The following EEPD1 variants were observed in gnomAD, a reference collection of about 807,000 sequenced individuals.
EEPD1 encodes the protein endonuclease/exonuclease/phosphatase family domain-containing protein 1.
EEPD1 carries 17 observed loss-of-function variants against 46.3 expected under a neutral mutation model. The observed-to-expected ratio is 0.37, with a 90% CI of 0.25 to 0.55. The LOEUF (loss-of-function observed/expected upper bound fraction) is 0.55. Ranked by LOEUF, EEPD1 falls within the 20% of genes least tolerant of loss-of-function variation. The pLI, the probability that EEPD1 is intolerant of heterozygous loss-of-function variation, is 0.83. For synonymous variants in EEPD1, 313 were observed against 315.6 expected (o/e 0.99, Z 0.09); for missense variants, 673 against 745.6 (o/e 0.90, Z 1.13).
intron 2 of EEPD1, among the ~76,000 whole-genome samples, chr7:36,204,461 T>C (rs898758687): frequency 2.6e-5 from 4 of 152,196 alleles, no homozygotes; most frequent in African/African-American, 9.6e-5. Context: ...TGTGTAGGAC[T>C]TGCTGTGAGC....
At chr7:36,257,582 T>C (rs1184369392) in intron 3 of EEPD1, among the ~76,000 whole-genome samples, 2 of 152,230 alleles carry the variant, frequency 1.3e-5, no homozygotes, top group African/African-American at 2.4e-5. Flanking sequence ...TGGTCTTTGA[T>C]CTCTGATATC....
chr7:36,180,573 A>G (rs1463729204), intron 2 of EEPD1, among the ~76,000 whole-genome samples: 1 of 152,156 alleles, frequency 6.6e-6, no homozygotes, highest in Non-Finnish European at 1.5e-5. Flanking sequence ...TGCTTGGAAC[A>G]CATTCGTGAT....
chr7:36,197,308 C>T (rs1394880877), intron 2 of EEPD1, among the ~76,000 whole-genome samples: 5 of 149,304 alleles, frequency 3.3e-5, no homozygotes, highest in East Asian at 2.0e-4. Flanking sequence ...CAGCCCCCCG[C>T]CCGGCCAGCC....
chr7:36,268,158 G>T (rs1787052524), intron 3 of EEPD1, among the ~76,000 whole-genome samples: 1 of 152,066 alleles, frequency 6.6e-6, no homozygotes, highest in Non-Finnish European at 1.5e-5. Flanking sequence ...GTGTTTTGTT[G>T]TTGTTGTTTT....
chr7:36,156,139 C>G (rs941324805), intron 2 of EEPD1, among the ~76,000 whole-genome samples: 9 of 152,154 alleles, frequency 5.9e-5, no homozygotes, highest in African/African-American at 2.2e-4. Context: ...TGTGGCTACT[C>G]GTTGATTTCC....
chr7:36,219,796 AGAGAGAGAGAGTGTGT>A (rs1220873214), intron 2 of EEPD1, among the ~76,000 whole-genome samples: 13 of 80,234 alleles, frequency 1.6e-4, no homozygotes, highest in African/African-American at 4.6e-4. Flanking sequence ...AGAGAGAGAG[AGAGAGAGAGAGTGTGT>A]GTGTGTGTGT....
chr7:36,294,970 G>C (rs1198801730), intron 6 of EEPD1, among the ~76,000 whole-genome samples: 1 of 152,018 alleles, frequency 6.6e-6, no homozygotes, highest in Non-Finnish European at 1.5e-5. Context: ...TTGAGGTCAG[G>C]AGTTCAAGAC....
intron 4 of EEPD1, 131 bp from the exon 5 acceptor site, chr7:36,284,555 G>T (rs1410767140): frequency 8.7e-7 from 1 of 1,154,594 alleles, no homozygotes; most frequent in Non-Finnish European, 1.2e-6. Context: ...TTCGTGGTGT[G>T]CTTTTGGTTT....
At chr7:36,273,241 G>T (rs946540587) in intron 3 of EEPD1, among the ~76,000 whole-genome samples, 3 of 152,148 alleles carry the variant, frequency 2.0e-5, no homozygotes, top group Admixed American at 1.3e-4. Flanking sequence ...TGGTTTCGTC[G>T]TGTGTCGAAT....
chr7:36,251,456 A>G (rs1272931322), intron 3 of EEPD1, among the ~76,000 whole-genome samples: 2 of 152,130 alleles, frequency 1.3e-5, no homozygotes, highest in Non-Finnish European at 2.9e-5. Context: ...GATTACAGGC[A>G]TGCACCATCT....
chr7:36,260,372 C>G (rs1030407943), intron 3 of EEPD1, among the ~76,000 whole-genome samples: 1 of 152,234 alleles, frequency 6.6e-6, no homozygotes, highest in African/African-American at 2.4e-5. Flanking sequence ...TACCACTTCA[C>G]TGTCTCTGAT....
At chr7:36,243,453 CTTAG>C (rs1444406765) in intron 3 of EEPD1, among the ~76,000 whole-genome samples, 3 of 152,146 alleles carry the variant, frequency 2.0e-5, no homozygotes, top group African/African-American at 4.8e-5. Context: ...CAAAAAAGGG[CTTAG>C]TTAGACACAC....
At chr7:36,211,013 A>G (rs576644106) in intron 2 of EEPD1, among the ~76,000 whole-genome samples, 3 of 152,342 alleles carry the variant, frequency 2.0e-5, no homozygotes, top group African/African-American at 7.2e-5. Context: ...TGTAATGGGA[A>G]TAACAGTGTC....
rs138447263 is a variant in EEPD1 at position 36,281,554 on chromosome 7, C to T, written c.1041+329C>T. ...TCTTCTGCCAAGTTTGTGCAGAGCT[C>T]ATTACTCGTTGACTGAAAATTTCAG... On this transcript the variant is annotated intron_variant, in intron 4 of 7. Coordinates refer to ENST00000242108, the MANE Select transcript of EEPD1 (RefSeq NM_030636.3). 5.0e-3 allele frequency among the ~76,000 whole-genome samples: 767 copies of T among 152,304 alleles called. 8 individuals carry two copies. Among genetic ancestry groups the T allele is most frequent in the African/African-American group, 0.018 (742 of 41,554 alleles).
intron 2 of EEPD1, among the ~76,000 whole-genome samples, chr7:36,209,534 C>G (rs950666972): frequency 2.0e-5 from 3 of 152,104 alleles, no homozygotes; most frequent in Non-Finnish European, 4.4e-5. Context: ...TGGTTTTTGC[C>G]AGTCAACTTA....
chr7:36,154,706 G>A lies in EEPD1; in HGVS notation c.382G>A (p.Ala128Thr), dbSNP rs759484849. The A allele has an allele frequency of 1.9e-6, 3 of 1,613,872 alleles. No individual in the cohort carries two copies. The South Asian group carries it at 3.3e-5, about 18-fold the overall frequency. ...LLAEQQPHHL[A>T]TAVPLTPRVN... ...AGCGGAGCAGCAGCCTCACCACCTG[G>A]CCACAGCTGTGCCCCTCACCCCACG... is the stretch of plus-strand genomic sequence containing the variant. The change falls in exon 2 of 8, where the codon GCC becomes ACC. Residue 128 changes from alanine to threonine, a missense_variant. Ala to Thr is a moderately conservative substitution (Grantham distance 58). Transcript: ENST00000242108. This position sits in a 1 kb window ranked among gnomAD's most constrained non-coding sequence, Gnocchi z 4.2.
intron 2 of EEPD1, among the ~76,000 whole-genome samples, chr7:36,170,962 C>T (rs781590908): frequency 6.6e-6 from 1 of 152,182 alleles, no homozygotes; most frequent in Non-Finnish European, 1.5e-5. Context: ...CTCTGTCACC[C>T]AGGCTGTGGA....
At chr7:36,260,385 CTT>C (rs1786902550) in intron 3 of EEPD1, among the ~76,000 whole-genome samples, 2 of 152,192 alleles carry the variant, frequency 1.3e-5, no homozygotes, top group Non-Finnish European at 2.9e-5. Context: ...TCTCTGATCT[CTT>C]TTGTTTCTGA....
At chr7:36,282,457 C>T (rs1562711889) in intron 4 of EEPD1, among the ~76,000 whole-genome samples, 1 of 152,220 alleles carries the variant, frequency 6.6e-6, no homozygotes, top group Non-Finnish European at 1.5e-5. Flanking sequence ...GACCTGGCCC[C>T]TCCCGCAGGG....
Sources: allele counts gnomAD v4.1 joint callset (sites outside exome capture counted in the v4.1 genomes callset), GRCh38; gene constraint gnomAD v4.1.1; non-coding constraint Gnocchi (gnomAD v3.1); transcripts MANE v1.5; gene names NCBI Gene and HGNC (gene_info 2026-07-23, HGNC 2026-07-21).